CDKAL1: variants seen among roughly 807,000 people sequenced by gnomAD.
The protein encoded by CDKAL1 is CDKAL1 threonylcarbamoyladenosine tRNA methylthiotransferase, also known as threonylcarbamoyladenosine tRNA methylthiotransferase.
In CDKAL1, 32 loss-of-function variants were observed where a neutral mutation model predicts 68.2. The ratio of observed to expected loss-of-function variants is 0.47; its 90% confidence interval spans 0.35 to 0.63. The LOEUF (loss-of-function observed/expected upper bound fraction) is 0.63. Among genes scored for constraint, CDKAL1 ranks in the 30% least tolerant of loss-of-function variants. CDKAL1 has a pLI of 0.00. For synonymous variants in CDKAL1, 234 were observed against 244.3 expected, an observed-to-expected ratio of 0.96 and a Z score of 0.39; for missense variants, 606 against 696.7, an observed-to-expected ratio of 0.87 and a Z score of 1.47.
At chr6:20,991,106 C>T (rs1004594518) in intron 10 of CDKAL1, among the ~76,000 whole-genome samples, 1 of 152,188 alleles carries the variant, frequency 6.6e-6, no homozygotes, top group Non-Finnish European at 1.5e-5. Flanking sequence ...GAGCTATCAA[C>T]TGTCTGGAAA....
chr6:20,890,959 A>T (rs6913323), intron 9 of CDKAL1, among the ~76,000 whole-genome samples: 114,490 of 152,108 alleles, frequency 0.75, 43,262 homozygotes, highest in East Asian at 0.8. Context: ...AACTTGTTTA[A>T]TCCTCACAAA....
chr6:21,000,816 A>G (rs909686519), intron 11 of CDKAL1, among the ~76,000 whole-genome samples: 8 of 152,220 alleles, frequency 5.3e-5, no homozygotes, highest in Admixed American at 3.3e-4. Flanking sequence ...TGGAATGTCT[A>G]TGCTTTTACA....
At chr6:20,663,537 G>A (rs1769387080) in intron 5 of CDKAL1, among the ~76,000 whole-genome samples, 1 of 151,978 alleles carries the variant, frequency 6.6e-6, no homozygotes, top group African/African-American at 2.4e-5. Flanking sequence ...TACTCTGAGT[G>A]GTCTCTGATG....
chr6:20,732,244 CTTTTTCT>C (rs1189996892), intron 5 of CDKAL1, among the ~76,000 whole-genome samples: 2 of 129,772 alleles, frequency 1.5e-5, no homozygotes, highest in African/African-American at 2.9e-5. Flanking sequence ...TTCTTTTTTT[CTTTTTCT>C]TTTCTTTCTT....
chr6:20,695,576 C>A (rs575184032), intron 5 of CDKAL1, among the ~76,000 whole-genome samples: 3 of 152,076 alleles, frequency 2.0e-5, no homozygotes, highest in Non-Finnish European at 2.9e-5. Context: ...TCTGGTAATT[C>A]ATTTGCACCA....
intron 11 of CDKAL1, among the ~76,000 whole-genome samples, chr6:21,015,258 G>A (rs1768259569): frequency 6.6e-6 from 1 of 152,158 alleles, no homozygotes; most frequent in African/African-American, 2.4e-5. Context: ...TACGTGATCT[G>A]CTTTAGTCAA....
Position 20,570,878 on chromosome 6 carries a change from C to T in CDKAL1, c.286+22173C>T, listed in dbSNP as rs528106104. Among the ~76,000 whole-genome samples, 4 of 152,222 alleles carry T rather than the reference C, an allele frequency of 2.6e-5. No homozygotes were observed. In the South Asian group the frequency reaches 6.2e-4, roughly 24 times the overall value. On this transcript the variant is annotated intron_variant, in intron 4 of 15. Coordinates refer to ENST00000274695, the MANE Select transcript of CDKAL1 (RefSeq NM_017774.3). ...ACCCTTATAGTCTCTTCATTTAGTG[C>T]AATATCTTTATTGTGGTAAGTTATA...
At chr6:20,646,088 AC>A (rs1768445731) in intron 4 of CDKAL1, among the ~76,000 whole-genome samples, 1 of 112,080 alleles carries the variant, frequency 8.9e-6, no homozygotes, top group African/African-American at 3.6e-5. Context: ...ACAGAGTCTC[AC>A]TCTGTCACCC....
chr6:20,641,955 T>C (rs1768197623), intron 4 of CDKAL1, among the ~76,000 whole-genome samples: 1 of 152,236 alleles, frequency 6.6e-6, no homozygotes, highest in Admixed American at 6.5e-5. Context: ...AAGAGTTTCA[T>C]CAGCGTAGCC....
chr6:21,208,764 A>T (rs888177768), intron 15 of CDKAL1, among the ~76,000 whole-genome samples: 3 of 152,164 alleles, frequency 2.0e-5, no homozygotes, highest in Non-Finnish European at 4.4e-5. Flanking sequence ...GTTAGGACGT[A>T]TTTGAGTTTC....
At chr6:21,189,460 AT>A (rs980519607) in intron 13 of CDKAL1, among the ~76,000 whole-genome samples, 16 of 152,078 alleles carry the variant, frequency 1.1e-4, no homozygotes, top group African/African-American at 2.9e-4. Context: ...TATCTAAAGA[AT>A]TTTTTTTCCA....
At chr6:20,903,629 C>T (rs1299045910) in intron 9 of CDKAL1, among the ~76,000 whole-genome samples, 1 of 152,182 alleles carries the variant, frequency 6.6e-6, no homozygotes, top group African/African-American at 2.4e-5. Flanking sequence ...AAAGATGCTG[C>T]TTCTAAATAG....
chr6:20,930,577 G>A (rs1763395682), intron 9 of CDKAL1, among the ~76,000 whole-genome samples: 1 of 152,112 alleles, frequency 6.6e-6, no homozygotes, highest in Non-Finnish European at 1.5e-5. Context: ...AACCCATGTC[G>A]AAACCTGGAG....
chr6:20,952,876 T>C (rs1316586048), intron 9 of CDKAL1, among the ~76,000 whole-genome samples: 1 of 152,254 alleles, frequency 6.6e-6, no homozygotes, highest in African/African-American at 2.4e-5. Context: ...ACTTTTAGTA[T>C]GTAATGACTT....
chr6:21,220,639 T>G (rs529640852), intron 15 of CDKAL1, among the ~76,000 whole-genome samples: 7 of 152,334 alleles, frequency 4.6e-5, no homozygotes, highest in African/African-American at 1.4e-4. Flanking sequence ...AAGCCAAAAA[T>G]TAGGAAACTA....
intron 9 of CDKAL1, among the ~76,000 whole-genome samples, chr6:20,946,148 C>T (rs1764225891): frequency 6.6e-6 from 1 of 152,184 alleles, no homozygotes; most frequent in Non-Finnish European, 1.5e-5. Context: ...CTCAGCCCTG[C>T]CCTGTGAGCT....
chr6:21,019,430 A>C (rs1291551747), intron 11 of CDKAL1, among the ~76,000 whole-genome samples: 1 of 152,110 alleles, frequency 6.6e-6, no homozygotes, highest in Non-Finnish European at 1.5e-5. Context: ...TTTTCTAATT[A>C]AGATCCTGTA....
At chr6:20,648,665 T>C (rs1581892813) in intron 4 of CDKAL1, among the ~76,000 whole-genome samples, 1 of 152,218 alleles carries the variant, frequency 6.6e-6, no homozygotes. Context: ...TTTTAATATA[T>C]AAGATCCTTT....
rs150750542 is a variant in CDKAL1, at chr6:20,640,210, A to G, written c.287-9083A>G. Among the ~76,000 whole-genome samples the G allele has an allele frequency of 5.9e-5, 9 of 152,328 alleles. No homozygotes were observed. In the East Asian group the frequency reaches 7.7e-4, roughly 13 times the overall value. On this transcript the variant is annotated intron_variant, in intron 4 of 15. Coordinates refer to ENST00000274695, the MANE Select transcript of CDKAL1 (RefSeq NM_017774.3). ...ATGCTTTTTGGGTTCAAGACAATCA[A>G]ACTGTTTTCTCTCTTTGTTTTGTTC... is the stretch of plus-strand genomic sequence containing the variant.
Sources: allele counts gnomAD v4.1 joint callset (sites outside exome capture counted in the v4.1 genomes callset), GRCh38; gene constraint gnomAD v4.1.1; transcripts MANE v1.5; gene names NCBI Gene and HGNC (gene_info 2026-07-23, HGNC 2026-07-21).